PPM1E: variants seen among roughly 807,000 people sequenced by gnomAD.
PPM1E encodes the protein protein phosphatase 1E.
PPM1E carries 20 observed loss-of-function variants against 65.9 expected under a neutral mutation model. The observed-to-expected ratio is 0.30, with a 90% CI of 0.21 to 0.44. The LOEUF is 0.44. Among genes scored for constraint, PPM1E ranks in the 20% least tolerant of loss-of-function variants. The probability of loss-of-function intolerance (pLI) is 1.00; values close to 1 mark genes in which losing one functional copy is unlikely to be tolerated. For missense variants in PPM1E, 713 were observed against 953.1 expected (o/e 0.75, Z 3.32); for synonymous variants, 352 against 374.9 (o/e 0.94, Z 0.70).
intron 1 of PPM1E, among the ~76,000 whole-genome samples, chr17:58,950,143 C>T (rs1291628443): frequency 1.3e-5 from 2 of 152,116 alleles, no homozygotes; most frequent in Admixed American, 1.3e-4. Context: ...AGGTGGATCA[C>T]CTGAAGTTGA....
intron 2 of PPM1E, among the ~76,000 whole-genome samples, chr17:58,963,933 G>A (rs1310658794): frequency 6.6e-6 from 1 of 151,940 alleles, no homozygotes; most frequent in Non-Finnish European, 1.5e-5. Context: ...CACAAGACAG[G>A]ATTTACCACC....
At chr17:58,823,902 T>C (rs1399158535) in intron 1 of PPM1E, among the ~76,000 whole-genome samples, 1 of 152,002 alleles carries the variant, frequency 6.6e-6, no homozygotes, top group Non-Finnish European at 1.5e-5. Flanking sequence ...GGCTAATTTT[T>C]TGTATTTTTA....
chr17:58,762,660 G>A (rs1024882303), intron 1 of PPM1E, among the ~76,000 whole-genome samples: 1 of 152,122 alleles, frequency 6.6e-6, no homozygotes, highest in African/African-American at 2.4e-5. Flanking sequence ...CACTTTGGGA[G>A]GCCGAGGCGG....
At chr17:58,958,019 C>G (rs977326078) in intron 2 of PPM1E, among the ~76,000 whole-genome samples, 1 of 151,782 alleles carries the variant, frequency 6.6e-6, no homozygotes. Flanking sequence ...GGCATGCACC[C>G]GTAGCCCCAG....
At chr17:58,953,146 T>G (rs891194836) in intron 1 of PPM1E, among the ~76,000 whole-genome samples, 1 of 152,188 alleles carries the variant, frequency 6.6e-6, no homozygotes, top group Non-Finnish European at 1.5e-5. Flanking sequence ...AGGAGGCACA[T>G]AGAGATCACT....
chr17:58,835,947 A>G (rs1330949356), intron 1 of PPM1E: 1 of 152,180 alleles, frequency 6.6e-6, no homozygotes, highest in Non-Finnish European at 1.5e-5. Flanking sequence ...GAAGATTAGT[A>G]TGGTCCCTGC....
rs778047298 is a variant in PPM1E, at chr17:58,756,012, C to A, written c.15C>A (p.Ile5=). Residue 5 remains isoleucine, a synonymous_variant, in exon 1 of 7, where the codon ATC becomes ATA. Transcript: ENST00000308249. ...CATGAGCAGCGATGGCCGGCTGCAT[C>A]CCTGAGGAGAAAACTTACCGGCGCT... MAGC[I]PEEKTYRRFL... The A allele has an allele frequency of 4.3e-6, 7 of 1,613,924 alleles. No homozygotes were observed. Among genetic ancestry groups the A allele is most frequent in the Admixed American group, 1.7e-5 (1 of 60,002 alleles).
rs750199738 is a variant in PPM1E, at chr17:58,980,821, G to A, written c.2058G>A (p.Lys686=). ...GGCACAGATTCAGGTTTAATCCAAA[G>A]TTTTATTCATTTCTCTCTGCTCAAG... ...KKWHRFRFNP[K]FYSFLSAQEP... Residue 686 remains lysine (K), a synonymous_variant, in exon 7 of 7, where the codon AAG becomes AAA. Coordinates refer to ENST00000308249, the MANE Select transcript of PPM1E (RefSeq NM_014906.5). The surrounding 1 kb of genome is among the most constrained non-coding windows in gnomAD (Gnocchi z 4.7). The A allele has an allele frequency of 3.1e-6, 5 of 1,614,172 alleles. No individual in the cohort carries two copies. In the South Asian group the frequency reaches 4.4e-5, roughly 14 times the overall value.
chr17:58,812,256 A>G (rs1050893924), intron 1 of PPM1E, among the ~76,000 whole-genome samples: 1 of 138,288 alleles, frequency 7.2e-6, no homozygotes, highest in Non-Finnish European at 1.5e-5. Context: ...ACGAGCCCAC[A>G]TTGCGCCACT....
intron 1 of PPM1E, among the ~76,000 whole-genome samples, chr17:58,866,156 C>G (rs2051001238): frequency 6.6e-6 from 1 of 152,126 alleles, no homozygotes. Context: ...GATAGGCAGC[C>G]TTTTCAAGTT....
At chr17:58,832,080 G>C (rs1382080426) in intron 1 of PPM1E, among the ~76,000 whole-genome samples, 1 of 152,136 alleles carries the variant, frequency 6.6e-6, no homozygotes, top group Non-Finnish European at 1.5e-5. Flanking sequence ...CTACACCTTA[G>C]AGTATTCCAA....
intron 3 of PPM1E, among the ~76,000 whole-genome samples, chr17:58,969,178 A>G (rs192824430): frequency 1.3e-5 from 2 of 152,258 alleles, no homozygotes; most frequent in East Asian, 3.9e-4. Context: ...CTTTTGTTCA[A>G]TTCCTTCTCA....
intron 1 of PPM1E, among the ~76,000 whole-genome samples, chr17:58,778,982 T>C (rs1199624124): frequency 7.0e-6 from 1 of 143,186 alleles, no homozygotes; most frequent in Admixed American, 7.1e-5. Flanking sequence ...GCCCTGCTTT[T>C]TTCCTTCAAC....
rs2031570754 is a variant in PPM1E, at chr17:58,984,079, A to G, written c.*3048A>G. On this transcript the variant is annotated 3_prime_UTR_variant, in exon 7 of 7. Transcript: ENST00000308249. ...TACTAAAGAGGATGGGTAGAAACAC[A>G]TATGTATATACCTTTTCTTTACCTA... 1 of 152,662 alleles carries G rather than the reference A, an allele frequency of 6.6e-6. No homozygotes were observed. Among genetic ancestry groups the G allele is most frequent in the Non-Finnish European group, 1.5e-5 (1 of 68,044 alleles). 9.5% of individuals were successfully genotyped at this position (152,662 alleles called of 1,614,324 possible). A position where few individuals can be genotyped will look rare whatever the true frequency, so the allele number is the denominator to read the frequency against.
chr17:58,783,200 A>T (rs907228373), intron 1 of PPM1E, among the ~76,000 whole-genome samples: 39 of 152,212 alleles, frequency 2.6e-4, no homozygotes, highest in Admixed American at 1.5e-3. Context: ...GAAATGACAA[A>T]GCTTGATGGA....
Position 58,756,047 on chromosome 17 carries a change from T to C in PPM1E, c.50T>C (p.Leu17Pro). The part of the protein sequence containing the change: ...EEKTYRRFLE[L>P]FLGEFRGPCG... ...AAAACTTACCGGCGCTTCCTGGAGCTATTCCTGGGCGAGTTTCGCGGACCG... is the reference window on the plus strand; with the variant it reads ...AAAACTTACCGGCGCTTCCTGGAGCCATTCCTGGGCGAGTTTCGCGGACCG... Residue 17 changes from leucine (L) to proline (P), a missense_variant, in exon 1 of 7, where the codon CTA becomes CCA. This residue lies in a region of PPM1E where 212 missense variants were observed against 204.0 expected (regional missense o/e 1.04). Transcript: ENST00000308249. 6.2e-7 allele frequency: 1 copy of C among 1,613,972 alleles called. No individual in the cohort carries two copies. Among genetic ancestry groups the C allele is most frequent in the Non-Finnish European group, 8.5e-7 (1 of 1,179,918 alleles).
At chr17:58,915,582 A>G (rs988925185) in intron 1 of PPM1E, among the ~76,000 whole-genome samples, 12 of 152,166 alleles carry the variant, frequency 7.9e-5, no homozygotes, top group Non-Finnish European at 1.5e-4. Context: ...TCTGGTTCAA[A>G]TGCCTCTGAC....
chr17:58,793,980 A>T (rs1435539966), intron 1 of PPM1E, among the ~76,000 whole-genome samples: 1 of 151,988 alleles, frequency 6.6e-6, no homozygotes, highest in Non-Finnish European at 1.5e-5. Flanking sequence ...AGTAGCTGGG[A>T]CTACAGGCAT....
At chr17:58,899,196 A>C (rs1234854558) in intron 1 of PPM1E, among the ~76,000 whole-genome samples, 1 of 152,052 alleles carries the variant, frequency 6.6e-6, no homozygotes, top group Non-Finnish European at 1.5e-5. Flanking sequence ...TGAAAAAAAA[A>C]TTAGCGAGGT....
Sources: gnomAD v4.1 joint callset for allele counts (sites outside exome capture counted in the v4.1 genomes callset) on GRCh38, gnomAD v4.1.1 for gene constraint, gnomAD v4.1.1 regional missense constraint, Gnocchi (gnomAD v3.1) non-coding constraint, MANE v1.5 for transcripts, NCBI Gene and HGNC (gene_info 2026-07-23, HGNC 2026-07-21) for gene names.